COBLL1: variants seen among roughly 807,000 people sequenced by gnomAD.
COBLL1 encodes cordon-bleu protein-like 1.
COBLL1 carries 50 observed loss-of-function variants against 94.8 expected under a neutral mutation model. The ratio of observed to expected loss-of-function variants is 0.53; its 90% CI spans 0.42 to 0.67. The LOEUF is 0.67. COBLL1 is among the 30% of genes least tolerant of loss of function. The pLI is 0.00. For synonymous variants in COBLL1, 448 were observed against 473.8 expected (o/e 0.95, Z 0.71); for missense variants, 1,362 against 1,348.7 (o/e 1.01, Z -0.15).
chr2:164,722,346 T>G (rs1403989527), intron 6 of COBLL1, 35 bp from the exon 7 acceptor site: 2 of 1,565,492 alleles, frequency 1.3e-6, no homozygotes, highest in African/African-American at 2.7e-5. Context: ...ATCTAGTAAT[T>G]TCAAGATATT....
At chr2:164,707,910 T>G (rs1221818681) in intron 7 of COBLL1, among the ~76,000 whole-genome samples, 1 of 152,132 alleles carries the variant, frequency 6.6e-6, no homozygotes, top group East Asian at 1.9e-4. Context: ...ATTTTGTAAT[T>G]TTTTAATATA....
Position 164,695,340 on chromosome 2 carries a change from A to G in COBLL1, c.2052T>C (p.Asp684=), listed in dbSNP as rs1180850054. The G allele has an allele frequency of 3.0e-5, 48 of 1,613,868 alleles. No homozygotes were observed. Among genetic ancestry groups the G allele is most frequent in the Non-Finnish European group, 4.1e-5 (48 of 1,179,946 alleles). ...KDPICAHGND[D]LLPPVDRIDK... ...CAATCCTATCTACAGGAGGCAAAAG[A>G]TCATCATTACCATGTGCACAAATTG... Residue 684 remains aspartate (D), a synonymous_variant, in exon 12 of 14, where the codon GAT becomes GAC. Transcript: ENST00000652658.
chr2:164,805,291 C>CTG (rs1559033189), intron 2 of COBLL1, among the ~76,000 whole-genome samples: 10 of 31,162 alleles, frequency 3.2e-4, no homozygotes, highest in South Asian at 1.4e-3. Context: ...CTGTCTGTCT[C>CTG]TCTCTCTCTC....
Position 164,694,422 on chromosome 2 carries a change from A to G in COBLL1, c.2970T>C (p.Leu990=), listed in dbSNP as rs1302335641. 2.5e-6 allele frequency: 4 copies of G among 1,613,836 alleles called. No individual in the cohort carries two copies. The South Asian group carries it at 4.4e-5, about 18-fold the overall frequency. Residue 990 remains leucine (L), a synonymous_variant, in exon 12 of 14, where the codon CTT becomes CTC. Transcript: ENST00000652658. ...YSSSGPSPFA[L]AVVKRSQSFS... Reference sequence around the variant, plus strand: ...AAGACTGTGACCTTTTCACTACAGCAAGAGCAAACGGTGAAGGACCAGAAC... The same window carrying G: ...AAGACTGTGACCTTTTCACTACAGCGAGAGCAAACGGTGAAGGACCAGAAC...
chr2:164,672,465 G>A (rs534437460), intron 1 of COBLL1, among the ~76,000 whole-genome samples: 3 of 152,086 alleles, frequency 2.0e-5, no homozygotes, highest in East Asian at 1.9e-4. Context: ...TTGGGAGGCC[G>A]AGGCGGGTGG....
chr2:164,813,631 C>G (rs1684569529), intron 2 of COBLL1, among the ~76,000 whole-genome samples: 1 of 152,040 alleles, frequency 6.6e-6, no homozygotes, highest in African/African-American at 2.4e-5. Flanking sequence ...AAGAAATGAA[C>G]AACAAAGTAG....
chr2:164,734,096 G>C (rs1468336735), intron 3 of COBLL1, among the ~76,000 whole-genome samples: 2 of 152,036 alleles, frequency 1.3e-5, no homozygotes, highest in African/African-American at 4.8e-5. Context: ...TGCTTTGACA[G>C]GCACTCCAAC....
At chr2:164,679,936 TATA>T (rs979644273), downstream of COBLL1, among the ~76,000 whole-genome samples, 1 of 149,598 alleles carries the variant, frequency 6.7e-6, no homozygotes, top group African/African-American at 2.5e-5. Context: ...AAAATATAAA[TATA>T]AATAATAATA....
chr2:164,690,779 T>C (rs1683550582), intron 13 of COBLL1, among the ~76,000 whole-genome samples: 1 of 152,158 alleles, frequency 6.6e-6, no homozygotes, highest in Admixed American at 6.6e-5. Flanking sequence ...TCTAGTACAA[T>C]ATTTGTTACT....
chr2:164,800,295 C>T (rs1020482639), intron 2 of COBLL1, among the ~76,000 whole-genome samples: 1 of 152,110 alleles, frequency 6.6e-6, no homozygotes, highest in African/African-American at 2.4e-5. Context: ...AAAGGATATA[C>T]AAATGGCAAA....
intron 3 of COBLL1, 96 bp downstream of exon 3, chr2:164,743,591 T>C (rs779894668): frequency 2.0e-5 from 20 of 1,007,104 alleles, no homozygotes; most frequent in African/African-American, 1.8e-4. Context: ...AAATGAAGTG[T>C]TTTGTCAAAG....
chr2:164,722,598 C>G (rs995129509), intron 5 of COBLL1, 76 bp from the exon 6 acceptor site: 10 of 766,564 alleles, frequency 1.3e-5, no homozygotes, highest in Admixed American at 2.9e-5. Context: ...TCTCTTACTT[C>G]CCCTTTGCAA....
rs189727042 is a variant in COBLL1, at chr2:164,833,260, G to T, written c.41+7896C>A. On this transcript the variant is annotated intron_variant, in intron 2 of 13. Coordinates refer to ENST00000652658, the MANE Select transcript of COBLL1 (RefSeq NM_001365672.2). ...TTCCAGCTACTAGGGAGGTTGAGGCGAGAGGATCACTTCAGCCCAGAAGGC... is the reference window on the plus strand; with the variant it reads ...TTCCAGCTACTAGGGAGGTTGAGGCTAGAGGATCACTTCAGCCCAGAAGGC... 4.0e-4 allele frequency among the ~76,000 whole-genome samples: 60 copies of T among 151,674 alleles called. 1 individual carries two copies. Among genetic ancestry groups the T allele is most frequent in the African/African-American group, 1.4e-3 (57 of 41,380 alleles).
chr2:164,801,425 C>G (rs915160896), intron 2 of COBLL1, among the ~76,000 whole-genome samples: 1 of 108,896 alleles, frequency 9.2e-6, no homozygotes, highest in Non-Finnish European at 1.7e-5. Flanking sequence ...GGCGACAGAG[C>G]GAGACTCCGT....
At position 164,832,029 on chromosome 2, in the gene COBLL1, C is replaced by G. The variant is rs1029992310; in HGVS notation, c.41+9127G>C. Among the ~76,000 whole-genome samples, 4 of 152,188 alleles carry G rather than the reference C, an allele frequency of 2.6e-5. No individual in the cohort carries two copies. The East Asian group carries it at 7.7e-4, about 29-fold the overall frequency. Reference sequence around the variant, plus strand: ...AGCTCAATTTCCTGTTTTTCCAGCACATCTCAATCAATACACAACTGTAGT... The same window carrying G: ...AGCTCAATTTCCTGTTTTTCCAGCAGATCTCAATCAATACACAACTGTAGT... On this transcript the variant is annotated intron_variant, in intron 2 of 13. Transcript: ENST00000652658.
intron 3 of COBLL1, among the ~76,000 whole-genome samples, chr2:164,735,287 G>A (rs1371440679): frequency 2.0e-5 from 3 of 152,114 alleles, no homozygotes; most frequent in Admixed American, 2.0e-4. Flanking sequence ...GTTGAGAGGA[G>A]GTTCATATGC....
At chr2:164,665,467 A>G (rs1691144316) in intron 2 of COBLL1, among the ~76,000 whole-genome samples, 1 of 151,286 alleles carries the variant, frequency 6.6e-6, no homozygotes, top group South Asian at 2.1e-4. Flanking sequence ...TGTAGTTTAA[A>G]AAAAAAAAAA....
upstream of COBLL1, chr2:164,841,940 C>G (rs779819060): frequency 1.3e-4 from 196 of 1,530,202 alleles, no homozygotes; most frequent in Non-Finnish European, 1.6e-4. This position sits in a 1 kb window ranked among gnomAD's most constrained non-coding sequence, Gnocchi z 5.5. Context: ...CTCGCTGGAG[C>G]CCGCTCTCTC....
intron 2 of COBLL1, among the ~76,000 whole-genome samples, chr2:164,770,230 G>T (rs1300559097): frequency 6.6e-6 from 1 of 151,764 alleles, no homozygotes; most frequent in Non-Finnish European, 1.5e-5. Context: ...ACTGTATGCC[G>T]TATCTGTGTG....
Sources: gnomAD v4.1 joint callset for allele counts (sites outside exome capture counted in the v4.1 genomes callset) on GRCh38, gnomAD v4.1.1 for gene constraint, Gnocchi (gnomAD v3.1) non-coding constraint, MANE v1.5 for transcripts, NCBI Gene and HGNC (gene_info 2026-07-23, HGNC 2026-07-21) for gene names.